MAGI2: variants seen among roughly 807,000 people sequenced by gnomAD.
MAGI2 encodes membrane associated guanylate kinase, WW and PDZ domain containing 2.
Under a neutral mutation model 133.3 loss-of-function variants are expected in MAGI2, and 35 were observed. The ratio of observed to expected loss-of-function variants is 0.26; its 90% confidence interval spans 0.20 to 0.35. The LOEUF is 0.35. Ranked by LOEUF, MAGI2 falls within the 10% of genes least tolerant of loss-of-function variation. The pLI, the probability that MAGI2 is intolerant of heterozygous loss-of-function variation, is 1.00. For synonymous variants in MAGI2, 729 were observed against 710.6 expected (o/e 1.03, Z -0.41); for missense variants, 1,636 against 1,863.4 (o/e 0.88, Z 2.25).
At chr7:78,419,513 G>A (rs556332625) in intron 6 of MAGI2, among the ~76,000 whole-genome samples, 3 of 151,716 alleles carry the variant, frequency 2.0e-5, no homozygotes, top group Non-Finnish European at 2.9e-5. Context: ...AAAGAAACTA[G>A]GGAGAAATGA....
At chr7:78,277,901 A>G (rs941092915) in intron 9 of MAGI2, among the ~76,000 whole-genome samples, 1 of 152,166 alleles carries the variant, frequency 6.6e-6, no homozygotes, top group Non-Finnish European at 1.5e-5. Flanking sequence ...AAAAGTAATC[A>G]GAGCAGGCAG....
intron 6 of MAGI2, among the ~76,000 whole-genome samples, chr7:78,435,413 G>A (rs1277604920): frequency 6.6e-6 from 1 of 152,078 alleles, no homozygotes; most frequent in Non-Finnish European, 1.5e-5. Context: ...GAGGACCAAT[G>A]GATTTCAGCT....
intron 2 of MAGI2, among the ~76,000 whole-genome samples, chr7:78,745,754 C>T (rs1822870160): frequency 6.6e-6 from 1 of 152,068 alleles, no homozygotes; most frequent in Non-Finnish European, 1.5e-5. Flanking sequence ...TTACTATTTC[C>T]CTTATTTCAA....
intron 1 of MAGI2, among the ~76,000 whole-genome samples, chr7:79,082,499 C>T (rs944718435): frequency 6.6e-6 from 1 of 152,062 alleles, no homozygotes; most frequent in African/African-American, 2.4e-5. Flanking sequence ...ATTGAATTAT[C>T]TTGGCATTCT....
intron 1 of MAGI2, among the ~76,000 whole-genome samples, chr7:79,165,289 T>A (rs1427652432): frequency 2.6e-5 from 4 of 151,954 alleles, no homozygotes; most frequent in African/African-American, 9.7e-5. Context: ...AAACCACCGC[T>A]TTTTATATGT....
chr7:79,058,597 T>G (rs1401251063), intron 1 of MAGI2, among the ~76,000 whole-genome samples: 1 of 152,138 alleles, frequency 6.6e-6, no homozygotes, highest in Non-Finnish European at 1.5e-5. Flanking sequence ...AAAAATATAT[T>G]ATAGTTTTGT....
intron 10 of MAGI2, among the ~76,000 whole-genome samples, chr7:78,209,172 A>C (rs1358242089): frequency 1.0e-4 from 4 of 39,850 alleles, no homozygotes; most frequent in South Asian, 1.9e-3. Flanking sequence ...CAGTGAGCTG[A>C]GATCGCGCCA....
At chr7:78,960,659 A>G (rs1045739585) in intron 2 of MAGI2, among the ~76,000 whole-genome samples, 2 of 152,150 alleles carry the variant, frequency 1.3e-5, no homozygotes, top group African/African-American at 4.8e-5. Context: ...AAACATATTG[A>G]AATTCCTTCA....
At chr7:78,634,832 A>G (rs749699925) in intron 2 of MAGI2, among the ~76,000 whole-genome samples, 8 of 152,152 alleles carry the variant, frequency 5.3e-5, no homozygotes, top group Non-Finnish European at 7.4e-5. Context: ...ACCTTCTTTT[A>G]TTGCTCTTCT....
chr7:78,426,244 A>G (rs1020045338), intron 6 of MAGI2, among the ~76,000 whole-genome samples: 7 of 152,360 alleles, frequency 4.6e-5, no homozygotes, highest in South Asian at 2.1e-4. Flanking sequence ...CAATGAATGT[A>G]TAGACAAATC....
chr7:78,939,787 A>T (rs1363248285), intron 2 of MAGI2: 1 of 152,182 alleles, frequency 6.6e-6, no homozygotes, highest in Non-Finnish European at 1.5e-5. Flanking sequence ...ATCAGCTCAG[A>T]AAAGCTCCTC....
chr7:78,412,279 G>C (rs1462324227), intron 6 of MAGI2, among the ~76,000 whole-genome samples: 1 of 152,036 alleles, frequency 6.6e-6, no homozygotes, highest in African/African-American at 2.4e-5. Flanking sequence ...GAGCCAGCAG[G>C]TTCTCCTTGA....
chr7:78,513,146 T>C (rs1011808360), intron 4 of MAGI2, among the ~76,000 whole-genome samples: 1 of 151,970 alleles, frequency 6.6e-6, no homozygotes, highest in Non-Finnish European at 1.5e-5. Flanking sequence ...ATCAGGAGCA[T>C]AGTATTATAT....
chr7:78,830,788 T>A (rs498891), intron 2 of MAGI2, among the ~76,000 whole-genome samples: 66,873 of 151,854 alleles, frequency 0.44, 14,933 homozygotes, highest in Admixed American at 0.51. Flanking sequence ...GTTAAGGGAA[T>A]CCCTGGATTC....
intron 1 of MAGI2, among the ~76,000 whole-genome samples, chr7:79,451,368 A>G (rs1323475726): frequency 6.6e-6 from 1 of 152,186 alleles, no homozygotes; most frequent in Non-Finnish European, 1.5e-5. Flanking sequence ...ATTTATGTCT[A>G]TTCCTATAAG....
chr7:78,701,902 G>A (rs904679301), intron 2 of MAGI2, among the ~76,000 whole-genome samples: 8 of 151,866 alleles, frequency 5.3e-5, no homozygotes, highest in African/African-American at 1.9e-4. Flanking sequence ...ATTTCCCTAA[G>A]GTTTCAATGA....
chr7:78,707,362 T>C (rs577605921), intron 2 of MAGI2, among the ~76,000 whole-genome samples: 2 of 152,078 alleles, frequency 1.3e-5, no homozygotes, highest in Non-Finnish European at 2.9e-5. Context: ...AAAATATGCC[T>C]GAAAGGTGAA....
In MAGI2 at chr7:78,070,214, T is replaced by TACACACAC. The variant is rs1310949637; in HGVS notation, c.3706+8732_3706+8733insGTGTGTGT. ...ATATATATATATATATATATATATATATATACACACACACACACAGACATT... is the reference window on the plus strand; with the variant it reads ...ATATATATATATATATATATATATATACACACACATATACACACACACACACAGACATT... On this transcript the variant is annotated intron_variant, in intron 21 of 21. Transcript: ENST00000354212. Among the ~76,000 whole-genome samples, 23 of 52,896 alleles carry TACACACAC rather than the reference T, an allele frequency of 4.3e-4. No individual in the cohort carries two copies. In the East Asian group the frequency reaches 9.2e-3, roughly 21 times the overall value. 34.7% of individuals were successfully genotyped at this position (52,896 alleles called of 152,430 possible).
At chr7:78,048,642 T>C (rs955981845) in intron 21 of MAGI2, among the ~76,000 whole-genome samples, 1 of 152,220 alleles carries the variant, frequency 6.6e-6, no homozygotes, top group African/African-American at 2.4e-5. Flanking sequence ...GTCTCATATT[T>C]GTATAAGCTG....
Sources: gnomAD v4.1 joint callset for allele counts (sites outside exome capture counted in the v4.1 genomes callset) on GRCh38, gnomAD v4.1.1 for gene constraint, MANE v1.5 for transcripts, NCBI Gene and HGNC (gene_info 2026-07-23, HGNC 2026-07-21) for gene names.